SLC35A1: variants seen among roughly 807,000 people sequenced by gnomAD.
SLC35A1 encodes CMP-sialic acid transporter.
In SLC35A1, 21 loss-of-function variants were observed where a neutral mutation model predicts 40.3. The ratio of observed to expected loss-of-function variants is 0.52; its 90% CI spans 0.37 to 0.75. The LOEUF is 0.75. Ranked by LOEUF, SLC35A1 falls within the 30% of genes least tolerant of loss-of-function variation. The pLI, the probability that SLC35A1 is intolerant of heterozygous loss-of-function variation, is 0.00. For missense variants in SLC35A1, 297 were observed against 382.1 expected, an observed-to-expected ratio of 0.78 and a Z score of 1.86; for synonymous variants, 146 against 147.3, an observed-to-expected ratio of 0.99 and a Z score of 0.06.
chr6:87,477,408 C>T lies in SLC35A1; in HGVS notation c.63C>T (p.Thr21=), dbSNP rs770089366. Residue 21 remains threonine (T), a synonymous_variant, in exon 2 of 8, where the codon ACC becomes ACT. Transcript: ENST00000369552. The part of the protein sequence containing the change: ...LFKLYCLAVM[T]LMAAVYTIAL... The stretch of plus-strand genomic sequence containing the variant: ...AGTTATACTGCTTGGCAGTGATGAC[C>T]CTGATGGCTGCAGTCTATACCATAG... The T allele has an allele frequency of 6.2e-7, 1 of 1,613,720 alleles. No homozygotes were observed. Among genetic ancestry groups the T allele is most frequent in the African/African-American group, 1.3e-5 (1 of 74,964 alleles).
At chr6:87,495,424 CT>C (rs1168604900) in intron 2 of SLC35A1, among the ~76,000 whole-genome samples, 5 of 152,134 alleles carry the variant, frequency 3.3e-5, no homozygotes, top group African/African-American at 1.2e-4. Flanking sequence ...AATTATTCTA[CT>C]GTTTCATAGT....
intron 4 of SLC35A1, among the ~76,000 whole-genome samples, chr6:87,504,225 A>C (rs559655130): frequency 6.6e-6 from 1 of 150,832 alleles, no homozygotes; most frequent in Non-Finnish European, 1.5e-5. Flanking sequence ...GAGGAGGTTG[A>C]GGCTGTAGTG....
At chr6:87,494,420 GA>G (rs1235105348) in intron 2 of SLC35A1, among the ~76,000 whole-genome samples, 3 of 129,576 alleles carry the variant, frequency 2.3e-5, no homozygotes, top group African/African-American at 9.3e-5. Flanking sequence ...TTAAATATTT[GA>G]ATTTTTTTTT....
At chr6:87,502,607 G>C (rs781325642) in intron 4 of SLC35A1, among the ~76,000 whole-genome samples, 3 of 152,166 alleles carry the variant, frequency 2.0e-5, no homozygotes, top group Non-Finnish European at 4.4e-5. Context: ...CCTAAACATA[G>C]AAAAGGCACA....
intron 2 of SLC35A1, among the ~76,000 whole-genome samples, chr6:87,490,180 G>C (rs1422550530): frequency 6.6e-6 from 1 of 151,938 alleles, no homozygotes; most frequent in African/African-American, 2.4e-5. Flanking sequence ...AGTGAGCTGA[G>C]ATTGTACCAC....
At chr6:87,489,525 C>T (rs922521371) in intron 2 of SLC35A1, among the ~76,000 whole-genome samples, 3 of 145,560 alleles carry the variant, frequency 2.1e-5, no homozygotes, top group Non-Finnish European at 3.0e-5. Flanking sequence ...TCAGCCTGCT[C>T]AACTGTGAGC....
intron 7 of SLC35A1, among the ~76,000 whole-genome samples, chr6:87,510,642 G>C (rs936219797): frequency 1.1e-4 from 17 of 152,094 alleles, no homozygotes; most frequent in Admixed American, 6.6e-5. Context: ...CAGCACTTTG[G>C]GAGGCTGAGG....
At position 87,477,392 on chromosome 6, in the gene SLC35A1, G is replaced by C; in HGVS notation, c.47G>C (p.Cys16Ser). 1 of 1,613,672 alleles carries C rather than the reference G, an allele frequency of 6.2e-7. No individual in the cohort carries two copies. Among genetic ancestry groups the C allele is most frequent in the Non-Finnish European group, 8.5e-7 (1 of 1,179,966 alleles). Residue 16 changes from cysteine to serine, a missense_variant, in exon 2 of 8, where the codon TGC becomes TCC. Physicochemically the swap from Cys to Ser is moderately radical, Grantham distance 112 (BLOSUM62 -1). Transcript: ENST00000369552. ...GTCACTTTATTATTCAAGTTATACT[G>C]CTTGGCAGTGATGACCCTGATGGCT... The part of the protein sequence containing the change: ...DNVTLLFKLY[C>S]LAVMTLMAAV...
intron 2 of SLC35A1, among the ~76,000 whole-genome samples, chr6:87,487,627 A>G (rs2083385945): frequency 6.6e-6 from 1 of 152,248 alleles, no homozygotes; most frequent in South Asian, 2.1e-4. Flanking sequence ...TATATAGCAT[A>G]TCCTTCTTAT....
intron 5 of SLC35A1, among the ~76,000 whole-genome samples, chr6:87,506,716 G>GA (rs1164773191): frequency 1.3e-5 from 2 of 152,072 alleles, no homozygotes; most frequent in South Asian, 2.1e-4. Flanking sequence ...AAAAGTAAAT[G>GA]AAAAAAGACT....
intron 1 of SLC35A1, among the ~76,000 whole-genome samples, chr6:87,475,452 A>G (rs559707691): frequency 4.6e-5 from 7 of 152,334 alleles, no homozygotes; most frequent in Non-Finnish European, 1.0e-4. Context: ...CAAAGGAAGT[A>G]TTATAGTGAT....
intron 5 of SLC35A1, chr6:87,507,193 G>C (rs965151428): frequency 1.9e-4 from 29 of 152,032 alleles, no homozygotes; most frequent in African/African-American, 6.8e-4. Context: ...TTATTTATTT[G>C]TACCTATTTC....
At chr6:87,474,889 A>T (rs551871102) in intron 1 of SLC35A1, among the ~76,000 whole-genome samples, 325 of 152,330 alleles carry the variant, frequency 2.1e-3, no homozygotes, top group African/African-American at 7.4e-3. Context: ...CAAGTTAATG[A>T]CAATATTATA....
At chr6:87,490,914 A>T (rs1347601885) in intron 2 of SLC35A1, among the ~76,000 whole-genome samples, 2 of 152,366 alleles carry the variant, frequency 1.3e-5, no homozygotes, top group East Asian at 3.9e-4. Context: ...AATGCCACAC[A>T]TCCTCCTTTA....
intron 2 of SLC35A1, among the ~76,000 whole-genome samples, chr6:87,483,660 G>A (rs568332580): frequency 1.1e-4 from 16 of 151,654 alleles, no homozygotes; most frequent in Admixed American, 1.1e-3. Context: ...GCCGTGGAAG[G>A]CTCAACCCCT....
rs917645835 is a variant in SLC35A1 at position 87,509,921 on chromosome 6, A to G, written c.886+746A>G. On this transcript the variant is annotated intron_variant, in intron 7 of 7. Coordinates refer to ENST00000369552, the MANE Select transcript of SLC35A1 (RefSeq NM_006416.5). ...TATAATATAAACCAATGTATGAAGA[A>G]TATCTGTTAAATATATTAAGTAAAA... Among the ~76,000 whole-genome samples, 5 of 152,350 alleles carry G rather than the reference A, an allele frequency of 3.3e-5. No individual in the cohort carries two copies. The South Asian group carries it at 1.0e-3, about 32-fold the overall frequency.
At chr6:87,473,056 G>C (rs1259165561) in intron 1 of SLC35A1, 37 bp downstream of exon 1, 7 of 504,648 alleles carry the variant, frequency 1.4e-5, no homozygotes, top group Non-Finnish European at 2.3e-5. Context: ...GGAGTCCGCG[G>C]GGGGCGGCGG....
At chr6:87,483,598 C>T (rs535122209) in intron 2 of SLC35A1, among the ~76,000 whole-genome samples, 4 of 152,158 alleles carry the variant, frequency 2.6e-5, no homozygotes, top group African/African-American at 7.2e-5. Flanking sequence ...TGTCTTCCCT[C>T]GCCTGTCCTG....
chr6:87,505,470 A>C (rs1770050818), intron 4 of SLC35A1, among the ~76,000 whole-genome samples: 1 of 152,236 alleles, frequency 6.6e-6, no homozygotes, highest in African/African-American at 2.4e-5. Flanking sequence ...TTGCCTATAC[A>C]TAACAGAGCT....
Sources: allele counts gnomAD v4.1 joint callset (sites outside exome capture counted in the v4.1 genomes callset), GRCh38; gene constraint gnomAD v4.1.1; transcripts MANE v1.5; gene names NCBI Gene and HGNC (gene_info 2026-07-23, HGNC 2026-07-21).